PDE11A: variants seen among roughly 807,000 people sequenced by gnomAD.
The protein encoded by PDE11A is phosphodiesterase 11A.
A neutral mutation model predicts 100.5 loss-of-function variants in PDE11A; 100 were observed. The observed-to-expected ratio is 1.00, with a 90% confidence interval of 0.85 to 1.18. PDE11A has a LOEUF of 1.18. PDE11A is among the 50% of genes most tolerant of loss of function. The pLI, the probability that PDE11A is intolerant of heterozygous loss-of-function variation, is 0.00. For missense variants in PDE11A, 1,141 were observed against 1,152.6 expected (o/e 0.99, Z 0.15); for synonymous variants, 381 against 420.8 (o/e 0.91, Z 1.16).
At chr2:177,797,979 G>T (rs1043753909) in intron 9 of PDE11A, among the ~76,000 whole-genome samples, 4 of 152,146 alleles carry the variant, frequency 2.6e-5, no homozygotes, top group African/African-American at 9.7e-5. Context: ...ATTCCTTCAT[G>T]TAACACAAGC....
chr2:177,753,566 T>C (rs1414968661), intron 10 of PDE11A, among the ~76,000 whole-genome samples: 3 of 151,630 alleles, frequency 2.0e-5, no homozygotes, highest in Non-Finnish European at 4.4e-5. Context: ...TCAAGCAGAA[T>C]GACGAACTTT....
chr2:177,659,832 C>T (rs76918397), intron 19 of PDE11A, among the ~76,000 whole-genome samples: 8,318 of 152,054 alleles, frequency 0.055, 323 homozygotes, highest in East Asian at 0.18. Context: ...AATGGATCCC[C>T]AGCAGGGTGC....
intron 1 of PDE11A, among the ~76,000 whole-genome samples, chr2:178,020,775 G>T (rs2086397668): frequency 6.6e-6 from 1 of 152,070 alleles, no homozygotes; most frequent in Admixed American, 6.5e-5. Flanking sequence ...TCCAGACTGG[G>T]CGACAGAGCA....
chr2:177,823,140 C>T (rs184009874), intron 6 of PDE11A, among the ~76,000 whole-genome samples: 4 of 152,120 alleles, frequency 2.6e-5, no homozygotes, highest in East Asian at 1.9e-4. Flanking sequence ...AAAACAAAAA[C>T]GTAAGCATAA....
At chr2:177,781,504 CT>C (rs71010818) in intron 9 of PDE11A, among the ~76,000 whole-genome samples, 133,323 of 145,696 alleles carry the variant, frequency 0.92, 61,647 homozygotes, top group East Asian at 1. Flanking sequence ...TTTTTCTTTT[CT>C]TTTTTTTTTT....
intron 10 of PDE11A, among the ~76,000 whole-genome samples, chr2:177,735,812 G>A (rs2081770486): frequency 6.6e-6 from 1 of 152,178 alleles, no homozygotes; most frequent in African/African-American, 2.4e-5. Flanking sequence ...GTGACTCCAG[G>A]ACTGACTTCT....
intron 5 of PDE11A, among the ~76,000 whole-genome samples, chr2:177,869,129 A>T (rs965572273): frequency 2.7e-4 from 41 of 152,352 alleles, no homozygotes; most frequent in Middle Eastern, 3.4e-3. Context: ...ATGGGTTCAA[A>T]CTCACACACT....
chr2:177,807,981 CATT>C (rs1195329491), intron 9 of PDE11A, among the ~76,000 whole-genome samples: 1 of 152,030 alleles, frequency 6.6e-6, no homozygotes. Context: ...GGTGAGAAAA[CATT>C]AATGAAAGAC....
At chr2:178,075,806 T>C (rs1442307652), upstream of PDE11A, among the ~76,000 whole-genome samples, 1 of 152,072 alleles carries the variant, frequency 6.6e-6, no homozygotes, top group Non-Finnish European at 1.5e-5. Flanking sequence ...TATGGAAACT[T>C]GAAGAGGTCC....
chr2:177,946,196 C>T (rs2105778523), intron 2 of PDE11A, among the ~76,000 whole-genome samples: 1 of 124,162 alleles, frequency 8.1e-6, no homozygotes, highest in East Asian at 2.6e-4. Context: ...AGGAGCCCCT[C>T]TGCCCGGCCA....
chr2:177,762,382 A>T (rs941570135), intron 10 of PDE11A, among the ~76,000 whole-genome samples: 3 of 152,106 alleles, frequency 2.0e-5, no homozygotes, highest in African/African-American at 7.2e-5. Context: ...TTATCAATGG[A>T]TCTAATTAGA....
intron 1 of PDE11A, among the ~76,000 whole-genome samples, chr2:178,106,226 T>C (rs71423554): frequency 0.099 from 15,028 of 152,268 alleles, 807 homozygotes; most frequent in African/African-American, 0.12. Context: ...CAATGCTTTA[T>C]ACACAACAAC....
chr2:177,684,100 T>C lies in PDE11A; in HGVS notation c.2346-3197A>G, dbSNP rs532398366. 1.4e-4 allele frequency among the ~76,000 whole-genome samples: 21 copies of C among 152,340 alleles called. No individual in the cohort carries two copies. The South Asian group carries it at 2.7e-3, about 20-fold the overall frequency. ...TGCCCAGTTTTCTCCTCTCACTACA[T>C]AGAAATTCATCTTTTTTTCAAATTA... On this transcript the variant is annotated intron_variant, in intron 15 of 19. Transcript: ENST00000286063.
In PDE11A at chr2:177,695,884, C is replaced by T. The variant is rs117073008; in HGVS notation, c.2345+1448G>A. ...CTTTTCAAAGGGAGTCATTTCAAAG[C>T]GAATGGCACAAGACTTCCTAGAAAA... On this transcript the variant is annotated intron_variant, in intron 15 of 19. Transcript: ENST00000286063. Among the ~76,000 whole-genome samples the T allele has an allele frequency of 3.5e-4, 54 of 152,176 alleles. 1 individual carries two copies. In the East Asian group the frequency reaches 6.2e-3, roughly 17 times the overall value.
chr2:178,078,731 A>G (rs1045254697), intron 2 of PDE11A, among the ~76,000 whole-genome samples: 1 of 152,200 alleles, frequency 6.6e-6, no homozygotes, highest in Non-Finnish European at 1.5e-5. Context: ...TATTTTCTAT[A>G]TATTTGGAGA....
At chr2:177,673,018 G>T (rs1383565280) in intron 17 of PDE11A, among the ~76,000 whole-genome samples, 1 of 152,140 alleles carries the variant, frequency 6.6e-6, no homozygotes, top group Non-Finnish European at 1.5e-5. Flanking sequence ...TAGGCCCAAG[G>T]CACTAGGAAT....
chr2:178,069,195 T>C (rs760847165), intron 1 of PDE11A, among the ~76,000 whole-genome samples: 25 of 152,174 alleles, frequency 1.6e-4, no homozygotes, highest in Non-Finnish European at 3.1e-4. Flanking sequence ...AATATCTCAT[T>C]TTATTGAGAT....
intron 2 of PDE11A, among the ~76,000 whole-genome samples, chr2:178,087,724 A>AAAAAT (rs1559067927): frequency 6.6e-6 from 1 of 152,210 alleles, no homozygotes; most frequent in Non-Finnish European, 1.5e-5. Flanking sequence ...TTTAAAAAAC[A>AAAAAT]AAAATAAAAT....
chr2:177,997,379 G>A (rs937143060), intron 2 of PDE11A: 24 of 830,318 alleles, frequency 2.9e-5, no homozygotes, highest in Non-Finnish European at 4.5e-5. Flanking sequence ...TGGTGAACCT[G>A]AAGTTGTATA....
Sources: gnomAD v4.1 joint callset for allele counts (sites outside exome capture counted in the v4.1 genomes callset) on GRCh38, gnomAD v4.1.1 for gene constraint, MANE v1.5 for transcripts, NCBI Gene and HGNC (gene_info 2026-07-23, HGNC 2026-07-21) for gene names.